CSRNP3: variants seen among roughly 807,000 people sequenced by gnomAD.
CSRNP3 encodes the protein cysteine and serine rich nuclear protein 3.
Under a neutral mutation model 48.0 loss-of-function variants are expected in CSRNP3, and 12 were observed. The ratio of observed to expected loss-of-function variants is 0.25; its 90% CI spans 0.16 to 0.41. The LOEUF (loss-of-function observed/expected upper bound fraction) is 0.41. Among genes scored for constraint, CSRNP3 ranks in the 10% least tolerant of loss-of-function variants. The probability of loss-of-function intolerance (pLI) is 1.00; values close to 1 mark genes in which losing one functional copy is unlikely to be tolerated. For synonymous variants in CSRNP3, 263 were observed against 269.7 expected, an observed-to-expected ratio of 0.98 and a Z score of 0.24; for missense variants, 580 against 724.4, an observed-to-expected ratio of 0.80 and a Z score of 2.29.
rs1687586378 is a variant in CSRNP3 at position 165,683,839 on chromosome 2, T to C, written c.*4086T>C. The C allele has an allele frequency of 6.6e-6, 1 of 152,132 alleles. No individual in the cohort carries two copies. The highest frequency in any genetic ancestry group is 2.4e-5 in the African/African-American group (1 of 41,462). 9.4% of individuals were successfully genotyped at this position (152,132 alleles called of 1,614,324 possible). ...ACTGACATCAGTTCTTGTCTAATTA[T>C]ATGTGAGCTGCAACTAAAAGATGCT... On this transcript the variant is annotated 3_prime_UTR_variant, in exon 7 of 7. Transcript: ENST00000651982.
At chr2:165,489,866 C>G (rs1369759331) in intron 1 of CSRNP3, among the ~76,000 whole-genome samples, 4 of 135,024 alleles carry the variant, frequency 3.0e-5, no homozygotes, top group Non-Finnish European at 6.3e-5. Flanking sequence ...AAACTGGAAG[C>G]ATTCCCTTTG....
chr2:165,622,204 T>G (rs1158339815), intron 4 of CSRNP3, among the ~76,000 whole-genome samples: 1 of 152,206 alleles, frequency 6.6e-6, no homozygotes, highest in African/African-American at 2.4e-5. Flanking sequence ...TAGCAGCCTA[T>G]TTCCCTTCTT....
chr2:165,514,554 C>A (rs1381726570), intron 2 of CSRNP3, among the ~76,000 whole-genome samples: 1 of 152,246 alleles, frequency 6.6e-6, no homozygotes, highest in African/African-American at 2.4e-5. Context: ...CAGTCTTACA[C>A]AGTCAGTGTC....
At chr2:165,659,362 A>G (rs1687061333) in intron 5 of CSRNP3, among the ~76,000 whole-genome samples, 1 of 152,024 alleles carries the variant, frequency 6.6e-6, no homozygotes, top group Admixed American at 6.6e-5. Flanking sequence ...AGAGAAGGAG[A>G]TTGTCAGGAA....
chr2:165,522,985 A>T (rs1433048376), intron 3 of CSRNP3, among the ~76,000 whole-genome samples: 1 of 152,076 alleles, frequency 6.6e-6, no homozygotes, highest in Admixed American at 6.5e-5. Flanking sequence ...GTCGGCCACT[A>T]TTTCAAAAGT....
At chr2:165,624,296 C>T (rs1429316228) in intron 4 of CSRNP3, among the ~76,000 whole-genome samples, 1 of 151,884 alleles carries the variant, frequency 6.6e-6, no homozygotes, top group Non-Finnish European at 1.5e-5. Context: ...ATATATGCAC[C>T]CCACACTGGT....
chr2:165,470,872 G>A (rs1315297777), intron 1 of CSRNP3, among the ~76,000 whole-genome samples: 1 of 151,944 alleles, frequency 6.6e-6, no homozygotes, highest in Admixed American at 6.6e-5. Context: ...GTCTTTCAAT[G>A]AGGTAAATAA....
chr2:165,607,774 T>C (rs1686056908), intron 4 of CSRNP3, among the ~76,000 whole-genome samples: 1 of 152,120 alleles, frequency 6.6e-6, no homozygotes, highest in East Asian at 1.9e-4. Flanking sequence ...ACTCATTCCA[T>C]TTGTTGTAAC....
At chr2:165,499,844 A>T (rs963889315) in intron 2 of CSRNP3, among the ~76,000 whole-genome samples, 1 of 152,140 alleles carries the variant, frequency 6.6e-6, no homozygotes, top group Non-Finnish European at 1.5e-5. Context: ...CAGTGAGTTA[A>T]AATTACAATG....
At chr2:165,483,572 T>C (rs970082370) in intron 1 of CSRNP3, among the ~76,000 whole-genome samples, 3 of 152,248 alleles carry the variant, frequency 2.0e-5, no homozygotes, top group African/African-American at 7.2e-5. Flanking sequence ...CAAACTGTGA[T>C]TATTCTATGT....
intron 4 of CSRNP3, among the ~76,000 whole-genome samples, chr2:165,616,471 A>G (rs1187869559): frequency 1.3e-5 from 2 of 152,072 alleles, no homozygotes; most frequent in Non-Finnish European, 2.9e-5. Flanking sequence ...CAATTAATTC[A>G]CTCAGGTTCA....
At chr2:165,536,882 T>A (rs1348592026) in intron 3 of CSRNP3, among the ~76,000 whole-genome samples, 3 of 151,986 alleles carry the variant, frequency 2.0e-5, no homozygotes, top group African/African-American at 4.8e-5. Flanking sequence ...ATAATATGGA[T>A]TAACATTAAT....
intron 3 of CSRNP3, among the ~76,000 whole-genome samples, chr2:165,545,123 C>T (rs899239299): frequency 6.6e-6 from 1 of 152,132 alleles, no homozygotes; most frequent in African/African-American, 2.4e-5. Flanking sequence ...CATTCAACAC[C>T]ATGGAGACCA....
intron 3 of CSRNP3, among the ~76,000 whole-genome samples, chr2:165,568,942 C>CATAAAATACATATTCACACA (rs1685333677): frequency 6.6e-6 from 1 of 151,816 alleles, no homozygotes; most frequent in Non-Finnish European, 1.5e-5. Context: ...TAAATGTATA[C>CATAAAATACATATTCACACA]ATAAAATACA....
At chr2:165,502,644 C>T (rs972859911) in intron 2 of CSRNP3, among the ~76,000 whole-genome samples, 5 of 151,870 alleles carry the variant, frequency 3.3e-5, no homozygotes, top group Non-Finnish European at 7.4e-5. Flanking sequence ...TCCTCAACAC[C>T]TTACCAAACA....
intron 1 of CSRNP3, among the ~76,000 whole-genome samples, chr2:165,479,442 A>C (rs1201300370): frequency 6.6e-6 from 1 of 152,096 alleles, no homozygotes; most frequent in East Asian, 1.9e-4. Flanking sequence ...CCTAACCCCC[A>C]TATGCTTCAG....
chr2:165,589,816 A>T (rs1222954985), intron 3 of CSRNP3, among the ~76,000 whole-genome samples: 1 of 152,188 alleles, frequency 6.6e-6, no homozygotes, highest in Non-Finnish European at 1.5e-5. Flanking sequence ...TGTGACATGC[A>T]TCCCTGTAGC....
intron 3 of CSRNP3, among the ~76,000 whole-genome samples, chr2:165,555,160 GACTCT>G (rs1357964194): frequency 6.6e-6 from 1 of 152,048 alleles, no homozygotes; most frequent in Non-Finnish European, 1.5e-5. Context: ...TCCAACACAA[GACTCT>G]ACTTCCTTCT....
intron 3 of CSRNP3, among the ~76,000 whole-genome samples, chr2:165,549,715 A>G (rs1685074178): frequency 6.6e-6 from 1 of 152,162 alleles, no homozygotes; most frequent in Admixed American, 6.6e-5. Context: ...GATAAAGACC[A>G]TATTTTTTCT....
Sources: allele counts gnomAD v4.1 joint callset (sites outside exome capture counted in the v4.1 genomes callset), GRCh38; gene constraint gnomAD v4.1.1; transcripts MANE v1.5; gene names NCBI Gene and HGNC (gene_info 2026-07-23, HGNC 2026-07-21).